AFDN: variants seen among roughly 807,000 people sequenced by gnomAD.
AFDN encodes the protein afadin.
Under a neutral mutation model 216.6 loss-of-function variants are expected in AFDN, and 68 were observed. The ratio of observed to expected loss-of-function variants is 0.31; its 90% CI spans 0.26 to 0.38. The LOEUF (loss-of-function observed/expected upper bound fraction) is 0.38, where lower values mean the gene tolerates loss of function less well. AFDN is among the 10% of genes least tolerant of loss of function. AFDN has a pLI of 1.00. For missense variants in AFDN, 2,136 were observed against 2,342.0 expected (o/e 0.91, Z 1.82); for synonymous variants, 868 against 853.7 (o/e 1.02, Z -0.29).
chr6:167,881,044 A>C (rs578001602), intron 6 of AFDN, among the ~76,000 whole-genome samples: 1 of 152,354 alleles, frequency 6.6e-6, no homozygotes, highest in South Asian at 2.1e-4. Context: ...TCTGTAGATC[A>C]ACTTTGAGAG....
At chr6:167,895,502 C>T (rs1001636740) in intron 9 of AFDN, among the ~76,000 whole-genome samples, 9 of 152,108 alleles carry the variant, frequency 5.9e-5, no homozygotes, top group African/African-American at 2.2e-4. Flanking sequence ...GGGTGTTAGG[C>T]ATTAGTGTCT....
Position 167,951,631 on chromosome 6 carries a change from A to G in AFDN, c.4277A>G (p.Tyr1426Cys), listed in dbSNP as rs1280395707. 1 of 1,614,138 alleles carries G rather than the reference A, an allele frequency of 6.2e-7. No individual in the cohort carries two copies. Among genetic ancestry groups the G allele is most frequent in the Admixed American group, 1.7e-5 (1 of 60,020 alleles). The change falls in exon 30 of 34, where the codon TAT (tyrosine) becomes TGT (cysteine). Residue 1426 changes from tyrosine (Y) to cysteine (C), a missense_variant. Physicochemically the swap from Tyr to Cys is radical, Grantham distance 194 (BLOSUM62 -2). This residue lies in a region of AFDN where 981 missense variants were observed against 966.0 expected (regional missense o/e 1.02). Transcript: ENST00000683244. The surrounding 1 kb of genome is among the most constrained non-coding windows in gnomAD (Gnocchi z 7.1). The stretch of plus-strand genomic sequence containing the variant: ...AAGAGAGAAGAACATCAGCGTTGGT[A>G]TGAGAAGGAGAAGGCCCGCCTGGAG... ...RRKREEHQRW[Y>C]EKEKARLEEE...
Position 167,948,415 on chromosome 6 carries a change from G to A in AFDN, c.3768G>A (p.Trp1256Ter). ...GGATGGCTCCTCCTCAGAACCAGTG[G>A]CCAAATTATGAGGAAAAGCCACATA... ...QDRMAPPQNQ[W>*]PNYEEKPHMH... Residue 1256 changes from tryptophan (W) to a stop codon, truncating the protein, a stop_gained, in exon 29 of 34, where the codon TGG (tryptophan) becomes TGA (stop). Transcript: ENST00000683244. LOFTEE classifies it high-confidence loss of function. 1 of 1,614,082 alleles carries A rather than the reference G, an allele frequency of 6.2e-7. No homozygotes were observed. Among genetic ancestry groups the A allele is most frequent in the Non-Finnish European group, 8.5e-7 (1 of 1,180,018 alleles).
intron 31 of AFDN, chr6:167,963,985 C>A: frequency 9.4e-7 from 1 of 1,064,690 alleles, no homozygotes; most frequent in Non-Finnish European, 1.1e-6. Flanking sequence ...TGGGCCCAGT[C>A]CTGGCCACGC....
intron 18 of AFDN, 69 bp from the exon 19 acceptor site, chr6:167,915,099 G>A: frequency 2.0e-6 from 3 of 1,523,000 alleles, no homozygotes; most frequent in Non-Finnish European, 2.7e-6. Flanking sequence ...ATCTAAATCT[G>A]CTGCACATTC....
chr6:167,960,828 T>C (rs1031285498), intron 30 of AFDN, among the ~76,000 whole-genome samples: 3 of 152,180 alleles, frequency 2.0e-5, no homozygotes, highest in Admixed American at 2.0e-4. Context: ...CATCTACTCC[T>C]GCTATAAGCC....
chr6:167,920,784 C>G (rs974945956), intron 21 of AFDN, among the ~76,000 whole-genome samples: 5 of 152,160 alleles, frequency 3.3e-5, no homozygotes, highest in African/African-American at 1.2e-4. Flanking sequence ...TGTCGGTACT[C>G]TACTCCTGCT....
At chr6:167,897,018 C>A in intron 10 of AFDN, 46 bp downstream of exon 10, 1 of 1,119,908 alleles carries the variant, frequency 8.9e-7, no homozygotes, top group Non-Finnish European at 1.4e-6. Context: ...TTCCAGGAGG[C>A]ATAACGTATT....
intron 27 of AFDN, 57 bp from the exon 28 acceptor site, chr6:167,947,796 A>T (rs1795496495): frequency 8.9e-7 from 1 of 1,125,950 alleles, no homozygotes; most frequent in Non-Finnish European, 1.3e-6. Context: ...ATTTCATGTT[A>T]TATATAGGTT....
In AFDN at chr6:167,962,943, G is replaced by A. The variant is rs892264222; in HGVS notation, c.4968+376G>A. On this transcript the variant is annotated intron_variant, in intron 31 of 33. Coordinates refer to ENST00000683244, the MANE Select transcript of AFDN (RefSeq NM_001386888.1). The surrounding 1 kb of genome is among the most constrained non-coding windows in gnomAD (Gnocchi z 5.2). ...TGATTGCTTAAATGGCATGTGGACC[G>A]TGGGAAGCAGTAGGAGCGTAGTAAG... is the stretch of plus-strand genomic sequence containing the variant. 1.9e-5 allele frequency: 21 copies of A among 1,122,394 alleles called. No homozygotes were observed. The highest frequency in any genetic ancestry group is 3.9e-4 in the Middle Eastern group (1 of 2,586). The allele number at this position is 1,122,394 out of a possible 1,614,324, so 69.5% of individuals were successfully genotyped here. A position where few individuals can be genotyped will look rare whatever the true frequency, so the allele number is the denominator to read the frequency against.
intron 23 of AFDN, among the ~76,000 whole-genome samples, chr6:167,938,303 CGA>C (rs796906758): frequency 5.1e-4 from 77 of 152,126 alleles, no homozygotes; most frequent in African/African-American, 1.8e-3. Context: ...TGGAGAATGA[CGA>C]GAGAGGTTCA....
At chr6:167,886,562 C>T (rs1786837552) in intron 6 of AFDN, among the ~76,000 whole-genome samples, 1 of 152,138 alleles carries the variant, frequency 6.6e-6, no homozygotes, top group Non-Finnish European at 1.5e-5. Flanking sequence ...ATAAGATAAT[C>T]CCTTACCATT....
At position 167,939,395 on chromosome 6, in the gene AFDN, T is replaced by C. The variant is rs79830133; in HGVS notation, c.3100-3734T>C. Reference sequence around the variant, plus strand: ...GGAAAGCAGAGGAAAAAATAAGTAGTGCTTGTAGAACTTTTTAAAAACTGA... The same window carrying C: ...GGAAAGCAGAGGAAAAAATAAGTAGCGCTTGTAGAACTTTTTAAAAACTGA... On this transcript the variant is annotated intron_variant, in intron 23 of 33. Coordinates refer to ENST00000683244, the MANE Select transcript of AFDN (RefSeq NM_001386888.1). Among the ~76,000 whole-genome samples, 736 of 152,266 alleles carry C rather than the reference T, an allele frequency of 4.8e-3. 5 individuals are homozygous for C. The highest frequency in any genetic ancestry group is 0.017 in the African/African-American group (704 of 41,542).
intron 30 of AFDN, among the ~76,000 whole-genome samples, chr6:167,956,446 C>CA (rs1796530641): frequency 6.6e-6 from 1 of 152,124 alleles, no homozygotes; most frequent in South Asian, 2.1e-4. Flanking sequence ...CCTGTCAGTC[C>CA]AGGGCCTACC....
At chr6:167,843,746 T>C (rs1781330115) in intron 1 of AFDN, among the ~76,000 whole-genome samples, 1 of 152,232 alleles carries the variant, frequency 6.6e-6, no homozygotes, top group Non-Finnish European at 1.5e-5. Flanking sequence ...TCATTGCAGA[T>C]ATTCATGATT....
chr6:167,842,970 T>A (rs886692965), intron 1 of AFDN, among the ~76,000 whole-genome samples: 7 of 152,222 alleles, frequency 4.6e-5, no homozygotes, highest in African/African-American at 1.7e-4. Flanking sequence ...ATGTTTGATT[T>A]TGGTGGCCAG....
intron 22 of AFDN, among the ~76,000 whole-genome samples, chr6:167,924,767 A>G (rs922682983): frequency 2.0e-5 from 3 of 152,374 alleles, no homozygotes; most frequent in African/African-American, 7.2e-5. Context: ...ATCAATTTAA[A>G]TAGCATTTGT....
At chr6:167,916,931 G>T (rs1011173303) in intron 19 of AFDN, among the ~76,000 whole-genome samples, 158 bp from the exon 20 acceptor site, 3 of 152,128 alleles carry the variant, frequency 2.0e-5, no homozygotes, top group Admixed American at 6.5e-5. Context: ...TCTATTTAAT[G>T]TATATAGTTA....
At chr6:167,837,615 C>T (rs1445156912) in intron 1 of AFDN, among the ~76,000 whole-genome samples, 3 of 152,046 alleles carry the variant, frequency 2.0e-5, no homozygotes, top group Non-Finnish European at 4.4e-5. Context: ...AGTGTAAATG[C>T]TTTGTGTATG....
Sources: gnomAD v4.1 joint callset for allele counts (sites outside exome capture counted in the v4.1 genomes callset) on GRCh38, gnomAD v4.1.1 for gene constraint, gnomAD v4.1.1 regional missense constraint, Gnocchi (gnomAD v3.1) non-coding constraint, MANE v1.5 for transcripts, NCBI Gene and HGNC (gene_info 2026-07-23, HGNC 2026-07-21) for gene names.